THSD4: variants seen among roughly 807,000 people sequenced by gnomAD.
The protein encoded by THSD4 is thrombospondin type 1 domain containing 4.
Under a neutral mutation model 119.0 loss-of-function variants are expected in THSD4, and 69 were observed. That is an observed-to-expected ratio of 0.58 (90% CI 0.48 to 0.71). THSD4 has a LOEUF of 0.71. THSD4 is among the 30% of genes least tolerant of loss of function. The pLI, the probability that THSD4 is intolerant of heterozygous loss-of-function variation, is 0.00. For missense variants in THSD4, 1,393 were observed against 1,391.1 expected (o/e 1.00, Z -0.02); for synonymous variants, 524 against 540.4 (o/e 0.97, Z 0.42).
intron 3 of THSD4, among the ~76,000 whole-genome samples, chr15:71,192,010 C>G (rs1011724932): frequency 6.6e-6 from 1 of 151,148 alleles, no homozygotes; most frequent in Non-Finnish European, 1.5e-5. Flanking sequence ...TGAAGCGATT[C>G]TCCTGTCTCA....
chr15:71,635,357 G>A (rs1233284108), intron 7 of THSD4, among the ~76,000 whole-genome samples: 2 of 112,490 alleles, frequency 1.8e-5, no homozygotes, highest in Non-Finnish European at 3.8e-5. Flanking sequence ...GAGATTTAGT[G>A]GGTGGGAACA....
At chr15:71,698,628 T>C (rs1179583449) in intron 8 of THSD4, among the ~76,000 whole-genome samples, 6 of 149,526 alleles carry the variant, frequency 4.0e-5, no homozygotes. Context: ...TTGTGAAATA[T>C]ATACATGCAT....
chr15:71,567,803 G>A (rs2049272412), intron 7 of THSD4, among the ~76,000 whole-genome samples: 1 of 152,030 alleles, frequency 6.6e-6, no homozygotes. Flanking sequence ...GTTTGTAGGT[G>A]TGTGTGGGTG....
chr15:71,359,288 G>A (rs755186943), intron 6 of THSD4, among the ~76,000 whole-genome samples: 1 of 152,150 alleles, frequency 6.6e-6, no homozygotes, highest in Non-Finnish European at 1.5e-5. Flanking sequence ...TGCATCATTC[G>A]CATCACTGTC....
chr15:71,649,545 A>G (rs2051041611), intron 7 of THSD4, among the ~76,000 whole-genome samples: 1 of 152,156 alleles, frequency 6.6e-6, no homozygotes. Flanking sequence ...CCAAATTGCT[A>G]GGATTACAGG....
intron 7 of THSD4, among the ~76,000 whole-genome samples, chr15:71,597,428 G>A (rs1057196308): frequency 1.3e-5 from 2 of 152,092 alleles, no homozygotes; most frequent in East Asian, 1.9e-4. Flanking sequence ...TACACATGTG[G>A]TAACATATAC....
chr15:71,596,290 C>G (rs891908551), intron 7 of THSD4, among the ~76,000 whole-genome samples: 1 of 152,184 alleles, frequency 6.6e-6, no homozygotes, highest in Non-Finnish European at 1.5e-5. Context: ...GGAACGCAGT[C>G]AGATTGTGAC....
chr15:71,281,292 G>A (rs898760987), intron 6 of THSD4, among the ~76,000 whole-genome samples: 3 of 152,230 alleles, frequency 2.0e-5, no homozygotes, highest in Non-Finnish European at 4.4e-5. Context: ...ACATTGTGTT[G>A]TGTCTGTGAA....
chr15:71,386,703 TG>T (rs2046297565), intron 6 of THSD4, among the ~76,000 whole-genome samples: 1 of 152,204 alleles, frequency 6.6e-6, no homozygotes, highest in African/African-American at 2.4e-5. Flanking sequence ...CATGATGGTT[TG>T]TTTCTTAGGA....
intron 7 of THSD4, among the ~76,000 whole-genome samples, chr15:71,435,994 C>T (rs780116867): frequency 4.3e-4 from 66 of 152,294 alleles, no homozygotes; most frequent in Non-Finnish European, 7.1e-4. Context: ...AGCTACTGGA[C>T]GTGACCTGAA....
rs575771484 is a variant in THSD4, at chr15:71,194,316, G to A, written c.100-20719G>A. ...ATGCCTCCATCTGTTTTCACAAACC[G>A]AGGTTGCTCTTCTTGCCACTGAGTA... On this transcript the variant is annotated intron_variant, in intron 3 of 17. Coordinates refer to ENST00000261862, the MANE Select transcript of THSD4 (RefSeq NM_024817.3). Among the ~76,000 whole-genome samples, 40 of 152,268 alleles carry A rather than the reference G, an allele frequency of 2.6e-4. No individual in the cohort carries two copies. In the East Asian group the frequency reaches 7.1e-3, roughly 27 times the overall value.
chr15:71,367,911 G>T (rs1292340257), intron 6 of THSD4, among the ~76,000 whole-genome samples: 7 of 152,328 alleles, frequency 4.6e-5, no homozygotes, highest in African/African-American at 1.4e-4. Flanking sequence ...CAGTGTAAAA[G>T]TGTTTCTATT....
At chr15:71,293,216 TAGG>T (rs770839342) in intron 6 of THSD4, among the ~76,000 whole-genome samples, 20 of 152,296 alleles carry the variant, frequency 1.3e-4, no homozygotes, top group Admixed American at 2.0e-4. Flanking sequence ...AGCTTTTCTT[TAGG>T]AGAACAGATT....
At chr15:71,355,383 G>T (rs11633972) in intron 6 of THSD4, among the ~76,000 whole-genome samples, 1 of 151,970 alleles carries the variant, frequency 6.6e-6, no homozygotes, top group African/African-American at 2.4e-5. Flanking sequence ...TTTAAAGGCT[G>T]TGTGTGTCAT....
At chr15:71,696,998 C>G (rs1256069897) in intron 8 of THSD4, among the ~76,000 whole-genome samples, 1 of 152,234 alleles carries the variant, frequency 6.6e-6, no homozygotes, top group South Asian at 2.1e-4. Context: ...TGAGAGGCAG[C>G]CTTCAGAATG....
chr15:71,232,106 G>C (rs923467156), intron 4 of THSD4, among the ~76,000 whole-genome samples: 3 of 152,116 alleles, frequency 2.0e-5, no homozygotes, highest in Admixed American at 2.0e-4. Context: ...CTGGTCCTCA[G>C]CTGCTGCTCC....
At chr15:71,462,766 TTAAAG>T (rs1185958262) in intron 7 of THSD4, among the ~76,000 whole-genome samples, 3 of 152,248 alleles carry the variant, frequency 2.0e-5, no homozygotes, top group Non-Finnish European at 2.9e-5. Context: ...AGCCTTCTCT[TTAAAG>T]TACAGTCTCC....
chr15:71,652,624 A>G (rs745911816), intron 7 of THSD4, among the ~76,000 whole-genome samples: 1 of 152,098 alleles, frequency 6.6e-6, no homozygotes, highest in Non-Finnish European at 1.5e-5. Context: ...TGATATGTTT[A>G]CCTCTCGGGA....
chr15:71,547,693 GCTGT>G (rs899532085), intron 7 of THSD4: 2 of 556,604 alleles, frequency 3.6e-6, no homozygotes, highest in African/African-American at 2.0e-5. Flanking sequence ...TCATTTTGAA[GCTGT>G]CTGTGCAGTT....
Sources: allele counts gnomAD v4.1 joint callset (sites outside exome capture counted in the v4.1 genomes callset), GRCh38; gene constraint gnomAD v4.1.1; transcripts MANE v1.5; gene names NCBI Gene and HGNC (gene_info 2026-07-23, HGNC 2026-07-21).